NRG3: variants seen among roughly 807,000 people sequenced by gnomAD.
The protein encoded by NRG3 is neuregulin 3.
Under a neutral mutation model 66.9 loss-of-function variants are expected in NRG3, and 31 were observed. The observed-to-expected ratio is 0.46, with a 90% CI of 0.35 to 0.63. The LOEUF (loss-of-function observed/expected upper bound fraction) is 0.63, where lower values mean the gene tolerates loss of function less well. NRG3 is among the 20% of genes least tolerant of loss of function. The probability of loss-of-function intolerance (pLI) is 0.00; values close to 1 mark genes in which losing one functional copy is unlikely to be tolerated. For missense variants in NRG3, 910 were observed against 878.9 expected (o/e 1.04, Z -0.45); for synonymous variants, 393 against 359.4 (o/e 1.09, Z -1.06).
chr10:82,962,438 C>G (rs1392538607), intron 6 of NRG3, among the ~76,000 whole-genome samples: 1 of 151,840 alleles, frequency 6.6e-6, no homozygotes, highest in African/African-American at 2.4e-5. Flanking sequence ...CCCTTCATAC[C>G]TTTTTTTTCA....
At chr10:82,291,859 G>A (rs1233742465) in intron 1 of NRG3, among the ~76,000 whole-genome samples, 4 of 152,060 alleles carry the variant, frequency 2.6e-5, no homozygotes, top group Non-Finnish European at 4.4e-5. Flanking sequence ...GAAACATAAA[G>A]CTATAAAACT....
At chr10:82,523,632 C>G (rs1037945673) in intron 2 of NRG3, among the ~76,000 whole-genome samples, 8 of 152,044 alleles carry the variant, frequency 5.3e-5, no homozygotes, top group Admixed American at 2.0e-4. Context: ...CAAGTTACCT[C>G]TCAGACCTAT....
chr10:82,602,035 A>G (rs1186229737), intron 2 of NRG3, among the ~76,000 whole-genome samples: 1 of 151,282 alleles, frequency 6.6e-6, no homozygotes, highest in African/African-American at 2.4e-5. Context: ...GTGAGCTATG[A>G]TCATGCCACT....
chr10:82,281,939 A>G (rs2079143776), intron 1 of NRG3, among the ~76,000 whole-genome samples: 3 of 152,246 alleles, frequency 2.0e-5, no homozygotes, highest in South Asian at 2.1e-4. Flanking sequence ...TTTCTTCTGT[A>G]TTTTATATGT....
At chr10:81,902,219 A>G (rs1844146250) in intron 1 of NRG3, among the ~76,000 whole-genome samples, 1 of 152,116 alleles carries the variant, frequency 6.6e-6, no homozygotes, top group Non-Finnish European at 1.5e-5. Context: ...TGAGCTCAAG[A>G]TTTCCTTTCT....
At chr10:82,259,425 G>C (rs1289139981) in intron 1 of NRG3, among the ~76,000 whole-genome samples, 1 of 152,070 alleles carries the variant, frequency 6.6e-6, no homozygotes, top group Non-Finnish European at 1.5e-5. Context: ...CCAAGTCTGT[G>C]CAGAGTAACC....
chr10:82,658,813 GCA>G (rs2052080232), intron 2 of NRG3, among the ~76,000 whole-genome samples: 1 of 152,124 alleles, frequency 6.6e-6, no homozygotes, highest in African/African-American at 2.4e-5. Flanking sequence ...TTAAATATGT[GCA>G]GTTTATTTTA....
chr10:82,327,401 A>G (rs1190516950), intron 1 of NRG3, among the ~76,000 whole-genome samples: 1 of 152,220 alleles, frequency 6.6e-6, no homozygotes, highest in Non-Finnish European at 1.5e-5. Flanking sequence ...TGTGTCTACA[A>G]TCAAGAGAGT....
At chr10:82,217,582 TACA>T (rs1363254333) in intron 1 of NRG3, among the ~76,000 whole-genome samples, 1 of 152,200 alleles carries the variant, frequency 6.6e-6, no homozygotes, top group African/African-American at 2.4e-5. Context: ...AAATGTAAAA[TACA>T]ACATTTTTCT....
chr10:82,630,535 G>A (rs747214953), intron 2 of NRG3, among the ~76,000 whole-genome samples: 9 of 151,850 alleles, frequency 5.9e-5, no homozygotes, highest in South Asian at 4.2e-4. Flanking sequence ...AAGTTGGCCC[G>A]GACGTGGTGG....
At chr10:82,442,310 T>C (rs1032439874) in intron 2 of NRG3, among the ~76,000 whole-genome samples, 3 of 152,196 alleles carry the variant, frequency 2.0e-5, no homozygotes, top group Non-Finnish European at 4.4e-5. Context: ...GGGAGATAGA[T>C]ATTAAATCAG....
intron 1 of NRG3, among the ~76,000 whole-genome samples, chr10:82,084,886 A>G (rs2065628824): frequency 1.3e-5 from 2 of 152,086 alleles, no homozygotes; most frequent in African/African-American, 4.8e-5. Flanking sequence ...TTCTCTACAC[A>G]ATCAATGATG....
At chr10:82,758,827 A>T (rs2059183332) in intron 3 of NRG3, among the ~76,000 whole-genome samples, 1 of 152,032 alleles carries the variant, frequency 6.6e-6, no homozygotes, top group Non-Finnish European at 1.5e-5. Context: ...ACATTTATAA[A>T]ATAATAAGCA....
intron 3 of NRG3, among the ~76,000 whole-genome samples, chr10:82,810,910 T>C (rs1223918593): frequency 6.6e-6 from 1 of 152,134 alleles, no homozygotes; most frequent in African/African-American, 2.4e-5. Flanking sequence ...ATGTCATACA[T>C]TTTTCTCTTT....
chr10:82,115,093 T>G (rs1231665030), intron 1 of NRG3, among the ~76,000 whole-genome samples: 1 of 152,106 alleles, frequency 6.6e-6, no homozygotes. Context: ...ACACATCACT[T>G]GCTGCCTACA....
intron 1 of NRG3, among the ~76,000 whole-genome samples, chr10:82,218,139 C>A (rs1336297): frequency 0.11 from 16,832 of 152,154 alleles, 1,045 homozygotes; most frequent in Middle Eastern, 0.18. Context: ...TGTGAGATAT[C>A]ACCTATTCTA....
intron 1 of NRG3, among the ~76,000 whole-genome samples, chr10:82,159,683 C>T: frequency 6.6e-6 from 1 of 151,906 alleles, no homozygotes; most frequent in Non-Finnish European, 1.5e-5. Context: ...CCCATAGCAT[C>T]AGGCTTCATC....
intron 1 of NRG3, among the ~76,000 whole-genome samples, chr10:82,341,551 G>T (rs1050974432): frequency 1.3e-5 from 2 of 152,010 alleles, no homozygotes; most frequent in Non-Finnish European, 2.9e-5. Flanking sequence ...GGTTTGAATT[G>T]TTAAAACTAT....
intron 1 of NRG3, among the ~76,000 whole-genome samples, chr10:81,997,128 T>C (rs577658648): frequency 6.6e-6 from 1 of 152,292 alleles, no homozygotes; most frequent in East Asian, 1.9e-4. Context: ...TGGCGACTCA[T>C]TCATCTGCTA....
Sources: allele counts gnomAD v4.1 joint callset (sites outside exome capture counted in the v4.1 genomes callset), GRCh38; gene constraint gnomAD v4.1.1; transcripts MANE v1.5; gene names NCBI Gene and HGNC (gene_info 2026-07-23, HGNC 2026-07-21).